APC: variants seen among roughly 807,000 people sequenced by gnomAD.
The protein encoded by APC is APC regulator of Wnt signaling pathway.
A neutral mutation model predicts 247.0 loss-of-function variants in APC; 72 were observed. That is an observed-to-expected ratio of 0.29 (90% CI 0.24 to 0.35). APC has a LOEUF of 0.35. Among genes scored for constraint, APC ranks in the 10% least tolerant of loss-of-function variants. The pLI is 1.00. For missense variants in APC, 3,400 were observed against 3,360.7 expected (o/e 1.01, Z -0.29); for synonymous variants, 1,254 against 1,162.5 (o/e 1.08, Z -1.60).
chr5:112,827,678 C>A (rs1385812404), intron 12 of APC, among the ~76,000 whole-genome samples: 3 of 152,208 alleles, frequency 2.0e-5, no homozygotes, highest in Non-Finnish European at 2.9e-5. Flanking sequence ...ACTCTAAAAC[C>A]TGTTGCTTAT....
In APC at chr5:112,840,808, C is replaced by T. The variant is rs1233603872; in HGVS notation, c.5214C>T (p.His1738=). 1 of 1,614,086 alleles carries T rather than the reference C, an allele frequency of 6.2e-7. No individual in the cohort carries two copies. The highest frequency in any genetic ancestry group is 1.7e-5 in the Admixed American group (1 of 60,018). The change falls in exon 16 of 16, where the codon CAC becomes CAT. Residue 1738 remains histidine (H), a synonymous_variant. Coordinates refer to ENST00000257430, the MANE Select transcript of APC (RefSeq NM_000038.6). This position sits in a 1 kb window ranked among gnomAD's most constrained non-coding sequence, Gnocchi z 4.1. Reference sequence around the variant, plus strand: ...CTGCTATGCCCAAAGGGAAAAGTCACAAGCCTTTCCGTGTGAAAAAGATAA... The same window carrying T: ...CTGCTATGCCCAAAGGGAAAAGTCATAAGCCTTTCCGTGTGAAAAAGATAA... The part of the protein sequence containing the change: ...INSAMPKGKS[H]KPFRVKKIMD...
intron 7 of APC, among the ~76,000 whole-genome samples, chr5:112,796,556 A>G (rs370963906): frequency 2.4e-4 from 36 of 152,190 alleles, no homozygotes; most frequent in African/African-American, 7.0e-4. Flanking sequence ...AATATTTGCA[A>G]TTTAAAGAAT....
intron 1 of APC, among the ~76,000 whole-genome samples, chr5:112,721,356 G>T (rs1751474243): frequency 6.6e-6 from 1 of 152,174 alleles, no homozygotes; most frequent in Non-Finnish European, 1.5e-5. Flanking sequence ...GGAGATTGTA[G>T]TGAGCAGAGA....
chr5:112,728,390 C>G (rs1392719880), intron 1 of APC, among the ~76,000 whole-genome samples: 1 of 152,106 alleles, frequency 6.6e-6, no homozygotes, highest in Non-Finnish European at 1.5e-5. Context: ...CCTCAGCCTC[C>G]CAAAGTGCTG....
chr5:112,731,713 A>G (rs150053066), intron 1 of APC, among the ~76,000 whole-genome samples: 2 of 152,030 alleles, frequency 1.3e-5, no homozygotes, highest in East Asian at 1.9e-4. Context: ...GTTTATTTCT[A>G]TTTCTTTGAT....
chr5:112,771,690 A>T (rs1561471674), intron 4 of APC, among the ~76,000 whole-genome samples: 1 of 152,178 alleles, frequency 6.6e-6, no homozygotes, highest in Non-Finnish European at 1.5e-5. Flanking sequence ...CTCATTCATC[A>T]TGCTGAATAT....
intron 8 of APC, 62 bp downstream of exon 8, chr5:112,801,445 A>C: frequency 8.2e-7 from 1 of 1,225,790 alleles, no homozygotes; most frequent in Admixed American, 2.0e-5. Context: ...GTATGAAGCA[A>C]GATGGTTCTA....
intron 9 of APC, among the ~76,000 whole-genome samples, chr5:112,816,880 A>T (rs1313788103): frequency 6.6e-6 from 1 of 151,396 alleles, no homozygotes; most frequent in East Asian, 2.0e-4. Flanking sequence ...TTATTTATTT[A>T]TTTTTTGAGA....
intron 1 of APC, among the ~76,000 whole-genome samples, chr5:112,721,430 A>T (rs1486919064): frequency 6.6e-6 from 1 of 152,114 alleles, no homozygotes; most frequent in East Asian, 1.9e-4. Context: ...AAAATAAAAT[A>T]AAAAAATAAA....
chr5:112,710,012 AC>A (rs1382213626), intron 1 of APC, among the ~76,000 whole-genome samples: 4 of 151,952 alleles, frequency 2.6e-5, no homozygotes, highest in Non-Finnish European at 5.9e-5. Flanking sequence ...TGTTCTTCCA[AC>A]CCATTACCCT....
At chr5:112,777,859 C>T (rs556786415) in intron 5 of APC, 13 of 229,094 alleles carry the variant, frequency 5.7e-5, no homozygotes, top group Admixed American at 2.2e-4. Context: ...AGTTTGTCAG[C>T]AGCATCCCTT....
At chr5:112,834,332 C>T (rs1764635653) in intron 14 of APC, among the ~76,000 whole-genome samples, 1 of 151,580 alleles carries the variant, frequency 6.6e-6, no homozygotes. Flanking sequence ...ACCTCTGCCT[C>T]CCAGGTTCAA....
At chr5:112,713,684 C>A (rs1280142358) in intron 1 of APC, among the ~76,000 whole-genome samples, 4 of 152,138 alleles carry the variant, frequency 2.6e-5, no homozygotes, top group Admixed American at 2.6e-4. Flanking sequence ...TGTTTATTTT[C>A]TGAGAGAGAG....
intron 11 of APC, chr5:112,823,293 TCTTC>T (rs758980763): frequency 6.5e-6 from 1 of 152,768 alleles, no homozygotes; most frequent in African/African-American, 2.4e-5. Context: ...TATTTGTTCC[TCTTC>T]CTTCTTCAGG....
chr5:112,772,044 A>G (rs1317820346), intron 4 of APC, among the ~76,000 whole-genome samples: 1 of 152,166 alleles, frequency 6.6e-6, no homozygotes, highest in Non-Finnish European at 1.5e-5. Flanking sequence ...AGCATTCAAT[A>G]ATGTTAGGAA....
At position 112,819,207 on chromosome 5, in the gene APC, A is replaced by G. The variant is rs876658392; in HGVS notation, c.1175A>G (p.His392Arg). Residue 392 changes from histidine (H) to arginine (R), a missense_variant, in exon 10 of 16, where the codon CAC becomes CGC. His to Arg is a conservative substitution (Grantham distance 29). Transcript: ENST00000257430. ...RASAALHNII[H>R]SQPDDKRGRR... ...AGTGCAGCACTCCACAACATCATTC[A>G]CTCACAGCCTGATGACAAGAGAGGC... 3 of 1,613,890 alleles carry G rather than the reference A, an allele frequency of 1.9e-6. No individual in the cohort carries two copies. Among genetic ancestry groups the G allele is most frequent in the Admixed American group, 1.7e-5 (1 of 59,980 alleles).
At chr5:112,757,407 G>A (rs185638503) in intron 2 of APC, among the ~76,000 whole-genome samples, 15 of 152,044 alleles carry the variant, frequency 9.9e-5, no homozygotes, top group African/African-American at 3.1e-4. Flanking sequence ...CTCGAATCAC[G>A]TTTCCTGTTC....
At chr5:112,735,587 A>C (rs1440466334), upstream of APC, among the ~76,000 whole-genome samples, 1 of 151,946 alleles carries the variant, frequency 6.6e-6, no homozygotes, top group Non-Finnish European at 1.5e-5. Context: ...AGCTATGTGC[A>C]AACTTGATAA....
At chr5:112,822,098 G>A (rs1763207754) in intron 11 of APC, 107 bp downstream of exon 11, 2 of 795,156 alleles carry the variant, frequency 2.5e-6, no homozygotes, top group African/African-American at 1.7e-5. Context: ...TGATGAATTA[G>A]GATATAAGGC....
Sources: allele counts gnomAD v4.1 joint callset (sites outside exome capture counted in the v4.1 genomes callset), GRCh38; gene constraint gnomAD v4.1.1; non-coding constraint Gnocchi (gnomAD v3.1); transcripts MANE v1.5; gene names NCBI Gene and HGNC (gene_info 2026-07-23, HGNC 2026-07-21).